The following ROR2 variants were observed in gnomAD, a reference collection of about 807,000 sequenced individuals.
ROR2 encodes tyrosine-protein kinase transmembrane receptor ROR2.
In ROR2, 33 loss-of-function variants were observed where a neutral mutation model predicts 74.9. The observed-to-expected ratio is 0.44, with a 90% CI of 0.33 to 0.59. The LOEUF is 0.59. Among genes scored for constraint, ROR2 ranks in the 20% least tolerant of loss-of-function variants. The probability of loss-of-function intolerance (pLI) is 0.02; values close to 1 mark genes in which losing one functional copy is unlikely to be tolerated. For missense variants in ROR2, 1,216 were observed against 1,313.8 expected (o/e 0.93, Z 1.15); for synonymous variants, 586 against 558.7 (o/e 1.05, Z -0.69).
At chr9:91,735,287 C>CA (rs1824981943) in intron 5 of ROR2, among the ~76,000 whole-genome samples, 1 of 152,224 alleles carries the variant, frequency 6.6e-6, no homozygotes, top group African/African-American at 2.4e-5. Flanking sequence ...ACAACGCAGT[C>CA]ATTACTATGC....
intron 2 of ROR2, among the ~76,000 whole-genome samples, chr9:91,770,083 ATGTGTCTAGACCC>A (rs894492176): frequency 5.4e-4 from 82 of 152,192 alleles, no homozygotes; most frequent in African/African-American, 1.8e-3. Flanking sequence ...TTATTGTTCT[ATGTGTCTAGACCC>A]TGTACTTTCT....
chr9:91,901,315 T>C (rs569306284), intron 1 of ROR2, among the ~76,000 whole-genome samples: 9 of 152,212 alleles, frequency 5.9e-5, no homozygotes, highest in African/African-American at 1.9e-4. Context: ...CTGATACCTG[T>C]GGGATATCAT....
chr9:91,935,183 C>T (rs1199091327), intron 1 of ROR2, among the ~76,000 whole-genome samples: 3 of 152,292 alleles, frequency 2.0e-5, no homozygotes, highest in South Asian at 2.1e-4. Context: ...CTCCTTGCAC[C>T]GCTCCATGGA....
chr9:91,926,058 A>G (rs1831387042), intron 1 of ROR2, among the ~76,000 whole-genome samples: 1 of 151,944 alleles, frequency 6.6e-6, no homozygotes, highest in Non-Finnish European at 1.5e-5. Flanking sequence ...AGCCTGGCCA[A>G]CATGGCAAAA....
At chr9:91,938,303 T>A (rs1265564006) in intron 1 of ROR2, among the ~76,000 whole-genome samples, 7 of 151,818 alleles carry the variant, frequency 4.6e-5, no homozygotes, top group Middle Eastern at 3.4e-3. Context: ...TTACAAAAAT[T>A]TTTTTTTTAG....
Position 91,802,067 on chromosome 9 carries a change from GTTTTTTTTTT to G in ROR2, c.98-26259_98-26250del, listed in dbSNP as rs60111555. ...CAAACCTTTTCTTAATTTGGAAGGT[GTTTTTTTTTT>G]TTTTTTTTTTTTTGGAGATGGAGTC... On this transcript the variant is annotated intron_variant, in intron 1 of 8. Coordinates refer to ENST00000375708, the MANE Select transcript of ROR2 (RefSeq NM_004560.4). Among the ~76,000 whole-genome samples, 10 of 103,712 alleles carry G rather than the reference GTTTTTTTTTT, an allele frequency of 9.6e-5. No individual in the cohort carries two copies. In the South Asian group the frequency reaches 9.8e-4, roughly 10 times the overall value. The allele number at this position is 103,712 out of a possible 152,430, so 68.0% of individuals were successfully genotyped here. A position where few individuals can be genotyped will look rare whatever the true frequency, so the allele number is the denominator to read the frequency against.
chr9:91,817,642 C>T (rs369948852), intron 1 of ROR2, among the ~76,000 whole-genome samples: 7 of 152,300 alleles, frequency 4.6e-5, no homozygotes, highest in African/African-American at 1.7e-4. Context: ...AGGAGCAGCA[C>T]CCCCTTCGCC....
intron 1 of ROR2, among the ~76,000 whole-genome samples, chr9:91,861,265 A>G (rs968902109): frequency 6.6e-6 from 1 of 152,206 alleles, no homozygotes; most frequent in African/African-American, 2.4e-5. Flanking sequence ...TTTTGCAGAG[A>G]TTGACCTGCT....
At position 91,869,073 on chromosome 9, in the gene ROR2, T is replaced by C. The variant is rs76976325; in HGVS notation, c.97+80794A>G. ...CGTGAATATATTTTTTTTTTCCTTT[T>C]TAGAGACAGAGTCTCGCCCTATCAC... is the stretch of plus-strand genomic sequence containing the variant. On this transcript the variant is annotated intron_variant, in intron 1 of 8. Coordinates refer to ENST00000375708, the MANE Select transcript of ROR2 (RefSeq NM_004560.4). Among the ~76,000 whole-genome samples the C allele has an allele frequency of 5.8e-3, 886 of 152,292 alleles. 52 individuals are homozygous for C. The East Asian group carries it at 0.14, about 24-fold the overall frequency.
At chr9:91,763,384 C>G (rs1219108869) in intron 2 of ROR2, among the ~76,000 whole-genome samples, 1 of 152,176 alleles carries the variant, frequency 6.6e-6, no homozygotes. Flanking sequence ...GTCTTGAAAT[C>G]TTTCATTGAT....
chr9:91,935,876 G>A (rs1433591627), intron 1 of ROR2, among the ~76,000 whole-genome samples: 1 of 152,250 alleles, frequency 6.6e-6, no homozygotes, highest in Non-Finnish European at 1.5e-5. Flanking sequence ...AGAAGGCCTT[G>A]GACACAGGAC....
chr9:91,948,906 G>C, intron 1 of ROR2: 1 of 985,190 alleles, frequency 1.0e-6, no homozygotes, highest in Non-Finnish European at 1.2e-6. Context: ...AGGTGCTCCC[G>C]GAGTCTGCAC....
At chr9:91,739,513 TAAAAAAAAAA>T (rs71362359) in intron 4 of ROR2, among the ~76,000 whole-genome samples, 3 of 105,604 alleles carry the variant, frequency 2.8e-5, no homozygotes, top group African/African-American at 7.1e-5. Flanking sequence ...TCTTTAAATT[TAAAAAAAAAA>T]AAAAAAAAAA....
intron 1 of ROR2, among the ~76,000 whole-genome samples, chr9:91,936,485 C>T (rs976310512): frequency 6.6e-6 from 1 of 152,178 alleles, no homozygotes; most frequent in South Asian, 2.1e-4. Context: ...TATAGCCCAC[C>T]GTAAAGACCT....
intron 1 of ROR2, among the ~76,000 whole-genome samples, chr9:91,847,271 C>A (rs1233039071): frequency 6.6e-6 from 1 of 152,204 alleles, no homozygotes. Flanking sequence ...TCCCACTGGA[C>A]AGAAAGCCTG....
rs1232142986 is a variant in ROR2 at position 91,909,842 on chromosome 9, G to GTTTTTT, written c.97+40024_97+40025insAAAAAA. ...TTTATTCTTTTTTTTTTTTAGGTTTGTTTTGTTTTTTTTTTTTTTTTTTTT... is the reference window on the plus strand; with the variant it reads ...TTTATTCTTTTTTTTTTTTAGGTTTGTTTTTTTTTTGTTTTTTTTTTTTTTTTTTTT... On this transcript the variant is annotated intron_variant, in intron 1 of 8. Coordinates refer to ENST00000375708, the MANE Select transcript of ROR2 (RefSeq NM_004560.4). Among the ~76,000 whole-genome samples the GTTTTTT allele has an allele frequency of 3.6e-3, 202 of 55,926 alleles. 10 individuals are homozygous for GTTTTTT. The highest frequency in any genetic ancestry group is 0.014 in the Middle Eastern group (1 of 74). The allele number at this position is 55,926 out of a possible 152,430, so 36.7% of individuals were successfully genotyped here.
intron 1 of ROR2, among the ~76,000 whole-genome samples, chr9:91,920,259 C>T (rs1258049988): frequency 2.6e-5 from 4 of 152,172 alleles, no homozygotes; most frequent in Non-Finnish European, 5.9e-5. Context: ...ATAATCCCAG[C>T]ACTTTGAGAG....
chr9:91,920,873 A>G (rs1831247578), intron 1 of ROR2, among the ~76,000 whole-genome samples: 1 of 152,230 alleles, frequency 6.6e-6, no homozygotes, highest in Non-Finnish European at 1.5e-5. Context: ...TCAGGCACGG[A>G]CCAAGGGTGT....
intron 1 of ROR2, among the ~76,000 whole-genome samples, chr9:91,782,584 CAAAAAA>C (rs55664591): frequency 3.8e-5 from 3 of 79,806 alleles, no homozygotes; most frequent in African/African-American, 1.0e-4. Flanking sequence ...TAGCTGATAG[CAAAAAA>C]AAAAAAAAAA....
Sources: allele counts gnomAD v4.1 joint callset (sites outside exome capture counted in the v4.1 genomes callset), GRCh38; gene constraint gnomAD v4.1.1; transcripts MANE v1.5; gene names NCBI Gene and HGNC (gene_info 2026-07-23, HGNC 2026-07-21).